FAS: variants seen among roughly 807,000 people sequenced by gnomAD.
The protein encoded by FAS is Fas cell surface death receptor, also known as tumor necrosis factor receptor superfamily member 6.
In FAS, 5 loss-of-function variants were observed where a neutral mutation model predicts 33.2. That is an observed-to-expected ratio of 0.15 (90% CI 0.08 to 0.32). The LOEUF (loss-of-function observed/expected upper bound fraction) is 0.32. FAS is among the 10% of genes least tolerant of loss of function. The pLI, the probability that FAS is intolerant of heterozygous loss-of-function variation, is 1.00. For synonymous variants in FAS, 131 were observed against 130.7 expected (o/e 1.00, Z -0.01); for missense variants, 339 against 386.0 (o/e 0.88, Z 1.02).
chr10:88,979,268 A>T (rs958505860), intron 2 of FAS, among the ~76,000 whole-genome samples: 2 of 145,226 alleles, frequency 1.4e-5, no homozygotes, highest in Non-Finnish European at 3.1e-5. Flanking sequence ...AAAAAGCAGA[A>T]AAAAAAAAAT....
intron 3 of FAS, 81 bp downstream of exon 3, chr10:89,007,918 G>A: frequency 5.6e-6 from 9 of 1,593,040 alleles, no homozygotes; most frequent in Non-Finnish European, 7.7e-6. Context: ...TTGAAATTGG[G>A]GCCTACTGTG....
At chr10:88,973,332 T>A (rs1393993406) in exon 2 of FAS, 1 of 1,541,934 alleles carries the variant, frequency 6.5e-7, no homozygotes, top group Admixed American at 1.9e-5. Flanking sequence ...AGAAGTGGAA[T>A]GGAGAAGGTG....
In FAS at chr10:89,015,474, G is replaced by A. The variant is rs772393956; in HGVS notation, c.*1024G>A. 2 of 534,238 alleles carry A rather than the reference G, an allele frequency of 3.7e-6. No individual in the cohort carries two copies. Among genetic ancestry groups the A allele is most frequent in the Middle Eastern group, 5.2e-4 (1 of 1,934 alleles). The allele number at this position is 534,238 out of a possible 1,614,324, so 33.1% of individuals were successfully genotyped here. A position where few individuals can be genotyped will look rare whatever the true frequency, so the allele number is the denominator to read the frequency against. On this transcript the variant is annotated 3_prime_UTR_variant, in exon 9 of 9. Coordinates refer to ENST00000652046, the MANE Select transcript of FAS (RefSeq NM_000043.6). The stretch of plus-strand genomic sequence containing the variant: ...CATGTAAAACCTGCTACAAATGGCA[G>A]CTTATACATAGCAATGGTAAAATCA...
chr10:88,973,116 T>C lies in FAS; in HGVS notation n.95-66T>C. 7 of 1,488,486 alleles carry C rather than the reference T, an allele frequency of 4.7e-6. No homozygotes were observed. The South Asian group carries it at 9.7e-5, about 21-fold the overall frequency. 92.2% of individuals were successfully genotyped at this position (1,488,486 alleles called of 1,614,324 possible). On this transcript the variant is annotated intron_variant and non_coding_transcript_variant, in intron 1 of 3. Coordinates refer to the FAS transcript ENST00000688239. ...TTAACTTCTATGTTTTATTTTTCTA[T>C]TTTAATTTTTCCTGGGCCTTGCCTC...
chr10:88,988,001 C>T (rs190300654), upstream of FAS, among the ~76,000 whole-genome samples: 123 of 152,210 alleles, frequency 8.1e-4, no homozygotes, highest in Non-Finnish European at 1.5e-3. Flanking sequence ...TGCCAGCAGA[C>T]GGCCTTTGGA....
At chr10:89,011,882 A>T in intron 6 of FAS, 117 bp from the exon 7 acceptor site, 3 of 973,212 alleles carry the variant, frequency 3.1e-6, no homozygotes, top group Non-Finnish European at 4.8e-6. Flanking sequence ...GGCCACTTTT[A>T]AGTTTCACTG....
rs1846389967 is a variant in FAS, at chr10:88,969,690, T to A, written n.95-3492T>A. ...ACCATATCATCCTCCCAACTATATC[T>A]TTTCATATACGTTAATAGCACTCTA... On this transcript the variant is annotated intron_variant and non_coding_transcript_variant, in intron 1 of 3. Transcript: ENST00000688239. Among the ~76,000 whole-genome samples the A allele has an allele frequency of 2.0e-5, 3 of 152,222 alleles. No individual in the cohort carries two copies. The South Asian group carries it at 6.2e-4, about 32-fold the overall frequency.
Position 88,969,560 on chromosome 10 carries a change from T to G in FAS, n.95-3622T>G, listed in dbSNP as rs568666337. Among the ~76,000 whole-genome samples, 25 of 152,354 alleles carry G rather than the reference T, an allele frequency of 1.6e-4. No individual in the cohort carries two copies. In the South Asian group the frequency reaches 5.0e-3, roughly 30 times the overall value. On this transcript the variant is annotated intron_variant and non_coding_transcript_variant, in intron 1 of 3. Coordinates refer to the FAS transcript ENST00000688239. The stretch of plus-strand genomic sequence containing the variant: ...CTATTTTTTAGATCAGTTTTATGTT[T>G]GCAGCATCAAGATCACTTTTTTTTT...
At position 89,014,431 on chromosome 10, in the gene FAS, A is replaced by G; in HGVS notation, c.989A>G (p.Glu330Gly). Residue 330 changes from glutamate to glycine, a missense_variant, in exon 9 of 9, where the codon GAA becomes GGA. Physicochemically the swap from Glu to Gly is moderately conservative, Grantham distance 98. Around this residue, in one of 3 missense-constraint regions of FAS, gnomAD observed 52 missense variants for 52.7 expected, o/e 0.99. Transcript: ENST00000652046. ...SDSENSNFRNEIQSLV is the reference protein window; with the variant it reads ...SDSENSNFRNGIQSLV ...TCAGAAAATTCAAACTTCAGAAATG[A>G]AATCCAAAGCTTGGTCTAGAGTGAA... 6.2e-7 allele frequency: 1 copy of G among 1,610,738 alleles called. No individual in the cohort carries two copies. The highest frequency in any genetic ancestry group is 8.5e-7 in the Non-Finnish European group (1 of 1,179,892).
chr10:88,984,061 AG>A (rs1409488411), upstream of FAS, among the ~76,000 whole-genome samples: 1 of 152,132 alleles, frequency 6.6e-6, no homozygotes, highest in East Asian at 1.9e-4. Flanking sequence ...ACCTCAGGTG[AG>A]GGGAGGGTTA....
intron 1 of FAS, among the ~76,000 whole-genome samples, chr10:88,966,613 C>T (rs1356074513): frequency 6.6e-6 from 1 of 152,142 alleles, no homozygotes; most frequent in African/African-American, 2.4e-5. Context: ...ATGACTTAGA[C>T]AGAGTGCCTA....
intron 1 of FAS, among the ~76,000 whole-genome samples, chr10:88,964,999 C>A (rs1244731592): frequency 6.6e-6 from 1 of 152,092 alleles, no homozygotes; most frequent in Non-Finnish European, 1.5e-5. Context: ...TAGTCCAGCC[C>A]TGTGTATTCT....
At chr10:88,986,842 T>A (rs1207551439), upstream of FAS, among the ~76,000 whole-genome samples, 2 of 152,222 alleles carry the variant, frequency 1.3e-5, no homozygotes, top group Admixed American at 1.3e-4. Flanking sequence ...ATCTGAACTG[T>A]GACCCCCAAA....
upstream of FAS, chr10:88,990,385 C>T: frequency 2.3e-6 from 1 of 428,690 alleles, no homozygotes; most frequent in Admixed American, 3.4e-5. This position sits in a 1 kb window ranked among gnomAD's most constrained non-coding sequence, Gnocchi z 4.9. Context: ...TGAACTACAG[C>T]AGAAGCCTTT....
intron 3 of FAS, among the ~76,000 whole-genome samples, 157 bp from the exon 4 acceptor site, chr10:89,008,731 CT>C (rs1848372892): frequency 1.3e-5 from 2 of 152,192 alleles, no homozygotes; most frequent in Non-Finnish European, 2.9e-5. Context: ...CTGGGGTTTC[CT>C]GTTCTGTGTT....
chr10:89,013,180 A>G (rs971045876), intron 7 of FAS, among the ~76,000 whole-genome samples, 163 bp from the exon 8 acceptor site: 4 of 152,222 alleles, frequency 2.6e-5, no homozygotes, highest in Non-Finnish European at 4.4e-5. Context: ...ATTGAATGGT[A>G]AAAGTAACCT....
intron 1 of FAS, among the ~76,000 whole-genome samples, chr10:88,999,455 C>T (rs1450166349): frequency 6.6e-6 from 1 of 152,024 alleles, no homozygotes; most frequent in Admixed American, 6.5e-5. Context: ...TTATTGAGCT[C>T]GTATGGAAGG....
intron 1 of FAS, among the ~76,000 whole-genome samples, chr10:88,968,459 A>C (rs1027707320): frequency 2.0e-5 from 3 of 152,206 alleles, no homozygotes; most frequent in Non-Finnish European, 2.9e-5. Flanking sequence ...ACTTTATCCC[A>C]AAACCAGCTG....
At chr10:89,002,581 T>G (rs1055773878) in intron 1 of FAS, 1 of 178,088 alleles carries the variant, frequency 5.6e-6, no homozygotes, top group African/African-American at 2.4e-5. Context: ...ACTTTAATAA[T>G]AAAAGTAGCA....
Sources: gnomAD v4.1 joint callset for allele counts (sites outside exome capture counted in the v4.1 genomes callset) on GRCh38, gnomAD v4.1.1 for gene constraint, gnomAD v4.1.1 regional missense constraint, Gnocchi (gnomAD v3.1) non-coding constraint, MANE v1.5 for transcripts, NCBI Gene and HGNC (gene_info 2026-07-23, HGNC 2026-07-21) for gene names.